The following KPNA7 variants were observed in gnomAD, a reference collection of about 807,000 sequenced individuals.
KPNA7 encodes karyopherin subunit alpha 7.
Under a neutral mutation model 53.7 loss-of-function variants are expected in KPNA7, and 54 were observed. That is an observed-to-expected ratio of 1.01 (90% CI 0.81 to 1.26). The LOEUF (loss-of-function observed/expected upper bound fraction) is 1.26, where lower values mean the gene tolerates loss of function less well. KPNA7 is among the 50% of genes most tolerant of loss of function. KPNA7 has a pLI of 0.00. For missense variants in KPNA7, 640 were observed against 644.5 expected, an observed-to-expected ratio of 0.99 and a Z score of 0.07; for synonymous variants, 276 against 259.3, an observed-to-expected ratio of 1.06 and a Z score of -0.62.
chr7:99,164,243 G>A, the KPNA7 span, among the ~76,000 whole-genome samples: 1 of 151,604 alleles, frequency 6.6e-6, no homozygotes, highest in South Asian at 2.1e-4. Flanking sequence ...CAACCCAAAT[G>A]TCCAACAATG....
chr7:99,146,722 A>T, the KPNA7 span, among the ~76,000 whole-genome samples: 5 of 8,428 alleles, frequency 5.9e-4, no homozygotes, highest in African/African-American at 8.7e-4. Flanking sequence ...AAAAAAAAAA[A>T]AAAAAAAAAA....
chr7:99,187,553 TA>T (rs1050007637), intron 7 of KPNA7, among the ~76,000 whole-genome samples: 1 of 95,714 alleles, frequency 1.0e-5, no homozygotes, highest in East Asian at 3.4e-4. Context: ...CACACCCAGC[TA>T]ATTTTTTTTT....
chr7:99,162,866 C>A, the KPNA7 span, among the ~76,000 whole-genome samples: 1 of 151,868 alleles, frequency 6.6e-6, no homozygotes, highest in Admixed American at 6.6e-5. Flanking sequence ...AATCTGTATT[C>A]CAATCAGATT....
In KPNA7 at chr7:99,180,960, CA is replaced by C. The variant is rs1418982417; in HGVS notation, c.1317+922del. Among the ~76,000 whole-genome samples the C allele has an allele frequency of 4.2e-4, 16 of 37,972 alleles. 3 individuals carry two copies. The highest frequency in any genetic ancestry group is 1.6e-3 in the Admixed American group (5 of 3,048). 24.9% of individuals were successfully genotyped at this position (37,972 alleles called of 152,430 possible). A position where few individuals can be genotyped will look rare whatever the true frequency, so the allele number is the denominator to read the frequency against. The stretch of plus-strand genomic sequence containing the variant: ...CCCCGTCTGTGTCTCTCTCTCTCCC[CA>C]TCTCTCTCTCTCCCCGTCTGTGTCT... On this transcript the variant is annotated intron_variant, in intron 9 of 10. Coordinates refer to ENST00000327442, the MANE Select transcript of KPNA7 (RefSeq NM_001145715.3).
the KPNA7 span, among the ~76,000 whole-genome samples, chr7:99,156,214 A>G: frequency 6.6e-6 from 1 of 152,118 alleles, no homozygotes; most frequent in East Asian, 1.9e-4. Context: ...CTGAGTTTAT[A>G]TCTGAAAATA....
At position 99,185,014 on chromosome 7, in the gene KPNA7, C is replaced by T; in HGVS notation, c.1049G>A (p.Ser350Asn). ...GTGACAAGGCCCCGCTGCTACGTTG[C>T]TCAGGGCCCAGGCTGCCTCCTTCTG... ...SIQKEAAWAL[S>N]NVAAGPCHHI... The change falls in exon 8 of 11, where the codon AGC (serine) becomes AAC (asparagine). Residue 350 changes from serine to asparagine, a missense_variant. Transcript: ENST00000327442. 6.4e-7 allele frequency: 1 copy of T among 1,551,914 alleles called. No homozygotes were observed.
At chr7:99,157,454 C>T in the KPNA7 span, among the ~76,000 whole-genome samples, 3 of 152,210 alleles carry the variant, frequency 2.0e-5, no homozygotes, top group Admixed American at 6.5e-5. Flanking sequence ...GGTGATCCAC[C>T]TGCCTTGGCC....
intron 2 of KPNA7, among the ~76,000 whole-genome samples, chr7:99,205,912 A>C (rs1001595635): frequency 6.6e-6 from 1 of 152,136 alleles, no homozygotes; most frequent in African/African-American, 2.4e-5. Context: ...GTGACCAAAG[A>C]AGCCGAGTGA....
intron 3 of KPNA7, among the ~76,000 whole-genome samples, chr7:99,198,435 A>G (rs1790340174): frequency 6.6e-6 from 1 of 152,184 alleles, no homozygotes; most frequent in Non-Finnish European, 1.5e-5. Flanking sequence ...ATTGGTCATC[A>G]TGATGAATTA....
Position 99,196,130 on chromosome 7 carries a change from T to G in KPNA7, c.238A>C (p.Asn80His), listed in dbSNP as rs1447299166. 1.9e-6 allele frequency: 3 copies of G among 1,551,680 alleles called. No homozygotes were observed. In the East Asian group the frequency reaches 7.3e-5, roughly 38 times the overall value. The change falls in exon 4 of 11, where the codon AAT becomes CAT. Residue 80 changes from asparagine (N) to histidine (H), a missense_variant. Asn to His is a moderately conservative substitution (Grantham distance 68). Transcript: ENST00000327442. The stretch of plus-strand genomic sequence containing the variant: ...AAACATAGGACTGGATCTGAGCTAT[T>G]CACACCTTTGATTATTTCACCCAGA... ...LTLGEIIKGV[N>H]SSDPVLCFQA...
chr7:99,179,933 T>C (rs886159738), intron 9 of KPNA7, among the ~76,000 whole-genome samples: 2 of 152,026 alleles, frequency 1.3e-5, no homozygotes, highest in Non-Finnish European at 2.9e-5. Context: ...CCTCCAAAAC[T>C]GCCCTGATGA....
downstream of KPNA7, among the ~76,000 whole-genome samples, chr7:99,171,553 C>T (rs10253774): frequency 0.96 from 146,623 of 152,260 alleles, 70,829 homozygotes; most frequent in East Asian, 1. Context: ...GCAATCCTCT[C>T]GCCTTGGCTT....
At chr7:99,179,962 C>CAA (rs1799090918) in intron 9 of KPNA7, among the ~76,000 whole-genome samples, 1 of 152,198 alleles carries the variant, frequency 6.6e-6, no homozygotes, top group Non-Finnish European at 1.5e-5. Context: ...CCCCGGTGCT[C>CAA]AAACCCTGTG....
In KPNA7 at chr7:99,207,415, C is replaced by T. The variant is rs1428021077; in HGVS notation, c.52G>A (p.Gly18Ser). 6.4e-7 allele frequency: 1 copy of T among 1,551,290 alleles called. No individual in the cohort carries two copies. Among genetic ancestry groups the T allele is most frequent in the African/African-American group, 1.4e-5 (1 of 72,984 alleles). The change falls in exon 2 of 11, where the codon GGC becomes AGC. Residue 18 changes from glycine (G) to serine (S), a missense_variant. Physicochemically the swap from Gly to Ser is moderately conservative, Grantham distance 56 (BLOSUM62 0). Transcript: ENST00000327442. The stretch of plus-strand genomic sequence containing the variant: ...TTCATACTCACAGACACATCTTTGC[C>T]TCGGTACTTAAATTTTCTCCGCCTC... ...EERRRKFKYR[G>S]KDVSLRRQQR...
upstream of KPNA7, among the ~76,000 whole-genome samples, chr7:99,208,316 C>T (rs1269041040): frequency 6.6e-6 from 1 of 151,974 alleles, no homozygotes; most frequent in Non-Finnish European, 1.5e-5. Context: ...AGTGCGGTGG[C>T]GCAATCTTGG....
At chr7:99,204,938 C>T (rs1462758204) in intron 2 of KPNA7, among the ~76,000 whole-genome samples, 1 of 152,102 alleles carries the variant, frequency 6.6e-6, no homozygotes, top group African/African-American at 2.4e-5. Flanking sequence ...AATCATTGAG[C>T]CCATCATACT....
At chr7:99,210,093 G>A (rs1791022751), upstream of KPNA7, among the ~76,000 whole-genome samples, 1 of 152,138 alleles carries the variant, frequency 6.6e-6, no homozygotes, top group African/African-American at 2.4e-5. Context: ...TACCCAATGA[G>A]TTTAGAAGAA....
intron 7 of KPNA7, among the ~76,000 whole-genome samples, chr7:99,186,623 G>T (rs12532625): frequency 0.25 from 37,319 of 151,854 alleles, 4,934 homozygotes; most frequent in African/African-American, 0.34. Flanking sequence ...CACACCTGTA[G>T]TCCCAGCTAC....
intron 3 of KPNA7, among the ~76,000 whole-genome samples, chr7:99,196,433 T>C (rs1160355678): frequency 6.6e-6 from 1 of 152,172 alleles, no homozygotes; most frequent in East Asian, 1.9e-4. Context: ...AATGTGCTAG[T>C]GGATACAAAA....
Sources: gnomAD v4.1 joint callset for allele counts (sites outside exome capture counted in the v4.1 genomes callset) on GRCh38, gnomAD v4.1.1 for gene constraint, MANE v1.5 for transcripts, NCBI Gene and HGNC (gene_info 2026-07-23, HGNC 2026-07-21) for gene names.